The following GALNT17 variants were observed in gnomAD, a reference collection of about 807,000 sequenced individuals.
GALNT17 encodes the protein polypeptide N-acetylgalactosaminyltransferase 17.
Under a neutral mutation model 63.7 loss-of-function variants are expected in GALNT17, and 29 were observed. The observed-to-expected ratio is 0.46, with a 90% CI of 0.34 to 0.62. The LOEUF (loss-of-function observed/expected upper bound fraction) is 0.62, where lower values mean the gene tolerates loss of function less well. Ranked by LOEUF, GALNT17 falls within the 20% of genes least tolerant of loss-of-function variation. GALNT17 has a pLI of 0.01. For synonymous variants in GALNT17, 305 were observed against 318.3 expected (o/e 0.96, Z 0.45); for missense variants, 603 against 799.6 (o/e 0.75, Z 2.97).
chr7:71,428,662 C>T (rs1263829145), intron 5 of GALNT17, among the ~76,000 whole-genome samples: 1 of 152,158 alleles, frequency 6.6e-6, no homozygotes, highest in Non-Finnish European at 1.5e-5. Context: ...TGGTCTCGAT[C>T]TCTTGACCTC....
In GALNT17 at chr7:71,173,382, G is replaced by A. The variant is rs560335071; in HGVS notation, c.238+40342G>A. Among the ~76,000 whole-genome samples the A allele has an allele frequency of 4.6e-5, 7 of 152,274 alleles. No individual in the cohort carries two copies. The South Asian group carries it at 1.5e-3, about 32-fold the overall frequency. ...TGTGCATATTGTGATAAGGTGATGG[G>A]TATTGTTGCTTACTGGGAGGAGAAA... On this transcript the variant is annotated intron_variant, in intron 1 of 10. Transcript: ENST00000333538.
rs1554327880 is a variant in GALNT17 at position 71,713,299 on chromosome 7, A to AC, written c.*1154dup. The stretch of plus-strand genomic sequence containing the variant: ...GTGGCCTTGGGCTTGCTGCTTCATT[A>AC]CTCACCTGGATGGGGACGAGGGATG... On this transcript the variant is annotated 3_prime_UTR_variant, in exon 11 of 11. Transcript: ENST00000333538. 1 of 152,908 alleles carries AC rather than the reference A, an allele frequency of 6.5e-6. No homozygotes were observed. The highest frequency in any genetic ancestry group is 1.5e-5 in the Non-Finnish European group (1 of 68,744). 9.5% of individuals were successfully genotyped at this position (152,908 alleles called of 1,614,324 possible). A position where few individuals can be genotyped will look rare whatever the true frequency, so the allele number is the denominator to read the frequency against.
intron 1 of GALNT17, among the ~76,000 whole-genome samples, chr7:71,328,503 C>T (rs1179383057): frequency 6.6e-6 from 1 of 152,166 alleles, no homozygotes; most frequent in Non-Finnish European, 1.5e-5. Flanking sequence ...TTCTTGGGTA[C>T]ACGAAATCAT....
chr7:71,474,446 C>T (rs566172131), intron 5 of GALNT17, among the ~76,000 whole-genome samples: 2 of 152,210 alleles, frequency 1.3e-5, no homozygotes, highest in South Asian at 2.1e-4. Context: ...CTGGTTTGGA[C>T]GCCCCTGACA....
At chr7:71,585,702 C>T (rs903824919) in intron 6 of GALNT17, among the ~76,000 whole-genome samples, 4 of 151,790 alleles carry the variant, frequency 2.6e-5, no homozygotes, top group Non-Finnish European at 4.4e-5. Context: ...TGTATATTTA[C>T]TTTTATTAAA....
At chr7:71,649,387 G>A (rs1476321902) in intron 6 of GALNT17, among the ~76,000 whole-genome samples, 1 of 152,162 alleles carries the variant, frequency 6.6e-6, no homozygotes, top group Admixed American at 6.5e-5. Flanking sequence ...ATGAGGAGAT[G>A]GGAGGAAACC....
At chr7:71,253,886 C>A (rs180859378) in intron 1 of GALNT17, among the ~76,000 whole-genome samples, 3 of 152,154 alleles carry the variant, frequency 2.0e-5, no homozygotes, top group East Asian at 1.9e-4. Context: ...TTCCCCAGGG[C>A]GAGTTGTTGA....
intron 5 of GALNT17, among the ~76,000 whole-genome samples, chr7:71,525,372 TG>T: frequency 6.6e-6 from 1 of 152,160 alleles, no homozygotes; most frequent in Admixed American, 6.6e-5. Flanking sequence ...TTTTTGTTTT[TG>T]TTTTTTGTAT....
At position 71,245,594 on chromosome 7, in the gene GALNT17, G is replaced by C. The variant is rs551184917; in HGVS notation, c.239-89956G>C. ...TCTCTGGGCGTATGTGCAACCTCTA[G>C]TTCTGGGTCTCTGAAGGTTAACGCC... On this transcript the variant is annotated intron_variant, in intron 1 of 10. Transcript: ENST00000333538. Among the ~76,000 whole-genome samples the C allele has an allele frequency of 5.9e-5, 9 of 152,278 alleles. No homozygotes were observed. The South Asian group carries it at 1.7e-3, about 28-fold the overall frequency.
chr7:71,297,314 G>A (rs1459030626), intron 1 of GALNT17, among the ~76,000 whole-genome samples: 1 of 152,112 alleles, frequency 6.6e-6, no homozygotes, highest in Non-Finnish European at 1.5e-5. Context: ...AGGCTGAGGC[G>A]GGTGGATCAC....
intron 1 of GALNT17, among the ~76,000 whole-genome samples, chr7:71,298,708 T>TGG (rs761230245): frequency 9.0e-5 from 3 of 33,380 alleles, no homozygotes; most frequent in East Asian, 1.1e-3. Flanking sequence ...TTTATTCCAG[T>TGG]GGGGTGTGTG....
chr7:71,251,335 G>A (rs1330185803), intron 1 of GALNT17, among the ~76,000 whole-genome samples: 1 of 152,160 alleles, frequency 6.6e-6, no homozygotes, highest in Non-Finnish European at 1.5e-5. Flanking sequence ...ATTTTAAAAT[G>A]TCATTCAAAA....
intron 6 of GALNT17, among the ~76,000 whole-genome samples, chr7:71,629,525 T>C (rs1275129331): frequency 6.6e-6 from 1 of 152,218 alleles, no homozygotes; most frequent in Non-Finnish European, 1.5e-5. Flanking sequence ...TCTCGCTTTG[T>C]CACCCAGAAT....
At chr7:71,362,113 C>T (rs914419318) in intron 2 of GALNT17, among the ~76,000 whole-genome samples, 3 of 152,028 alleles carry the variant, frequency 2.0e-5, no homozygotes, top group Non-Finnish European at 2.9e-5. Flanking sequence ...CCTGCCACCA[C>T]GCCTGGCTAA....
At chr7:71,392,405 G>A (rs1793066950) in intron 3 of GALNT17, among the ~76,000 whole-genome samples, 1 of 152,142 alleles carries the variant, frequency 6.6e-6, no homozygotes, top group African/African-American at 2.4e-5. Context: ...GGAAGCTGGG[G>A]TATTTATACA....
chr7:71,421,505 C>T (rs1223139604), intron 5 of GALNT17, among the ~76,000 whole-genome samples: 1 of 152,074 alleles, frequency 6.6e-6, no homozygotes, highest in Non-Finnish European at 1.5e-5. Context: ...GATACAAGAT[C>T]ATATAGAAAA....
intron 1 of GALNT17, among the ~76,000 whole-genome samples, chr7:71,265,118 A>ATATATTTTTTTTTT (rs1390488895): frequency 1.1e-4 from 4 of 37,454 alleles, no homozygotes; most frequent in Non-Finnish European, 2.0e-4. Flanking sequence ...ATATATATAT[A>ATATATTTTTTTTTT]TTTTTTTTTT....
intron 5 of GALNT17, among the ~76,000 whole-genome samples, chr7:71,551,768 AAAAAAGAGAG>A (rs1789080297): frequency 9.7e-6 from 1 of 102,964 alleles, no homozygotes. Context: ...AAAAAAAAAA[AAAAAAGAGAG>A]AGAGAGAGAG....
In GALNT17 at chr7:71,212,621, G is replaced by GA. The variant is rs1554339399; in HGVS notation, c.238+79581_238+79582insA. 3.3e-5 allele frequency among the ~76,000 whole-genome samples: 5 copies of GA among 152,210 alleles called. No homozygotes were observed. The South Asian group carries it at 8.3e-4, about 25-fold the overall frequency. On this transcript the variant is annotated intron_variant, in intron 1 of 10. Transcript: ENST00000333538. ...CGCTAGCTTGTGAAAGCAGCCAGGA[G>GA]GGGGGGCTATACCCTACAAAGCCAC...
Sources: gnomAD v4.1 joint callset for allele counts (sites outside exome capture counted in the v4.1 genomes callset) on GRCh38, gnomAD v4.1.1 for gene constraint, MANE v1.5 for transcripts, NCBI Gene and HGNC (gene_info 2026-07-23, HGNC 2026-07-21) for gene names.